XPO1: variants seen among roughly 807,000 people sequenced by gnomAD.
XPO1 encodes the protein exportin-1.
In XPO1, 5 loss-of-function variants were observed where a neutral mutation model predicts 133.3. That is an observed-to-expected ratio of 0.04 (90% CI 0.02 to 0.08). The LOEUF (loss-of-function observed/expected upper bound fraction) is 0.08. XPO1 is among the 10% of genes least tolerant of loss of function. The probability of loss-of-function intolerance (pLI) is 1.00; values close to 1 mark genes in which losing one functional copy is unlikely to be tolerated. For missense variants in XPO1, 506 were observed against 1,267.5 expected, an observed-to-expected ratio of 0.40 and a Z score of 9.12; for synonymous variants, 419 against 408.2, an observed-to-expected ratio of 1.03 and a Z score of -0.32.
At chr2:61,524,120 A>G (rs1036372360) in intron 3 of XPO1, among the ~76,000 whole-genome samples, 1 of 152,170 alleles carries the variant, frequency 6.6e-6, no homozygotes, top group African/African-American at 2.4e-5. Flanking sequence ...ATACTACCCT[A>G]AGCATTTTCT....
chr2:61,514,548 A>G (rs1046672648), intron 4 of XPO1, among the ~76,000 whole-genome samples: 2 of 151,242 alleles, frequency 1.3e-5, no homozygotes, highest in African/African-American at 4.9e-5. Flanking sequence ...AGCCGAGATC[A>G]GGCCACTGCA....
chr2:61,502,965 CTTTTTTT>C (rs201077547), intron 4 of XPO1, among the ~76,000 whole-genome samples: 14 of 138,324 alleles, frequency 1.0e-4, no homozygotes, highest in East Asian at 4.3e-4. Flanking sequence ...TGTTTCTTTT[CTTTTTTT>C]TTTTTTTTTT....
At chr2:61,515,694 G>A (rs1217791382) in intron 4 of XPO1, among the ~76,000 whole-genome samples, 1 of 152,002 alleles carries the variant, frequency 6.6e-6, no homozygotes, top group Admixed American at 6.6e-5. Flanking sequence ...TCAAAGGAGA[G>A]CACTAAATAA....
chr2:61,517,769 C>CT (rs1368267070), intron 4 of XPO1, among the ~76,000 whole-genome samples: 1 of 151,802 alleles, frequency 6.6e-6, no homozygotes, highest in Non-Finnish European at 1.5e-5. Context: ...GACTCTATCT[C>CT]TAAAAAAAAA....
chr2:61,482,666 C>T (rs991871065), intron 22 of XPO1, 127 bp from the exon 23 acceptor site: 24 of 963,444 alleles, frequency 2.5e-5, no homozygotes, highest in Admixed American at 1.3e-4. Flanking sequence ...AATGCCGTGG[C>T]GCAATCTTAG....
chr2:61,482,905 G>A, intron 22 of XPO1, 52 bp downstream of exon 22: 1 of 1,607,870 alleles, frequency 6.2e-7, no homozygotes, highest in Non-Finnish European at 8.5e-7. Flanking sequence ...TTATAGGCGT[G>A]AGGCCCTGTG....
chr2:61,481,711 C>G (rs1573098432), intron 23 of XPO1, among the ~76,000 whole-genome samples: 2 of 151,982 alleles, frequency 1.3e-5, no homozygotes, highest in Admixed American at 1.3e-4. Flanking sequence ...TCCCAAAGTG[C>G]TTGGATTACA....
intron 4 of XPO1, among the ~76,000 whole-genome samples, chr2:61,521,709 T>C (rs753315233): frequency 5.3e-5 from 8 of 152,196 alleles, no homozygotes; most frequent in Non-Finnish European, 1.0e-4. Flanking sequence ...TCTTTAGTAC[T>C]TGGCTTTTCC....
chr2:61,526,243 T>C, intron 3 of XPO1, 177 bp downstream of exon 3: 1 of 1,406,374 alleles, frequency 7.1e-7, no homozygotes, highest in Non-Finnish European at 9.2e-7. Flanking sequence ...ACTTCATTCA[T>C]AATTCTTAGG....
chr2:61,514,433 A>C (rs1236285358), intron 4 of XPO1, among the ~76,000 whole-genome samples: 1 of 151,898 alleles, frequency 6.6e-6, no homozygotes, highest in Non-Finnish European at 1.5e-5. Context: ...TCTACTAAAA[A>C]TACAAAATAA....
intron 4 of XPO1, among the ~76,000 whole-genome samples, chr2:61,521,767 T>C (rs1205330227): frequency 1.3e-5 from 2 of 152,074 alleles, no homozygotes. Flanking sequence ...TTGTTGTTCT[T>C]GTTTTTTGAG....
At position 61,490,769 on chromosome 2, in the gene XPO1, G is replaced by A. The variant is rs1363890687; in HGVS notation, c.1895C>T (p.Thr632Met). ...ICDLQPQQVHTFYEAVGYMIG... is the reference protein window; with the variant it reads ...ICDLQPQQVHMFYEAVGYMIG... Reference sequence around the variant, plus strand: ...CATGTACCCCACAGCTTCATAAAACGTATGAACCTATTTTAAAAAGCAGAC... The same window carrying A: ...CATGTACCCCACAGCTTCATAAAACATATGAACCTATTTTAAAAAGCAGAC... Residue 632 changes from threonine (T) to methionine (M), a missense_variant, in exon 17 of 25, where the codon ACG becomes ATG. Transcript: ENST00000401558. 6.2e-7 allele frequency: 1 copy of A among 1,612,090 alleles called. No individual in the cohort carries two copies. Among genetic ancestry groups the A allele is most frequent in the Non-Finnish European group, 8.5e-7 (1 of 1,179,374 alleles).
chr2:61,505,939 G>A (rs979780856), intron 4 of XPO1, among the ~76,000 whole-genome samples: 2 of 152,070 alleles, frequency 1.3e-5, no homozygotes, highest in Non-Finnish European at 1.5e-5. Flanking sequence ...CAAAAATTCC[G>A]ATAGTACTAA....
Position 61,495,504 on chromosome 2 carries a change from T to C in XPO1, c.998A>G (p.His333Arg). The change falls in exon 11 of 25, where the codon CAT becomes CGT. Residue 333 changes from histidine (H) to arginine (R), a missense_variant. Transcript: ENST00000401558. The stretch of plus-strand genomic sequence containing the variant: ...TAATCTTTTTTCTATAAGTTGATCA[T>C]GTTCCTTAAGAAAGGTGCAGAGAAA... ...SLFLCTFLKE[H>R]DQLIEKRLNL... 4.4e-6 allele frequency: 7 copies of C among 1,584,890 alleles called. No homozygotes were observed. The highest frequency in any genetic ancestry group is 6.0e-6 in the Non-Finnish European group (7 of 1,161,640).
At chr2:61,529,472 ATG>A (rs2104808559) in intron 2 of XPO1, among the ~76,000 whole-genome samples, 1 of 152,310 alleles carries the variant, frequency 6.6e-6, no homozygotes, top group East Asian at 1.9e-4. Context: ...CCTGGCCAAC[ATG>A]GTGAAACCCC....
intron 1 of XPO1, chr2:61,534,760 G>C (rs764280497): frequency 3.9e-5 from 6 of 152,186 alleles, no homozygotes; most frequent in Non-Finnish European, 7.3e-5. Flanking sequence ...CTACAGCAAT[G>C]GTTAGCAGGA....
At chr2:61,521,304 AATG>A (rs528138777) in intron 4 of XPO1, among the ~76,000 whole-genome samples, 33 of 152,332 alleles carry the variant, frequency 2.2e-4, no homozygotes, top group African/African-American at 7.2e-4. Flanking sequence ...ATTCTACCAT[AATG>A]ATGATAAGAG....
At chr2:61,511,452 T>C (rs1165244379) in intron 4 of XPO1, among the ~76,000 whole-genome samples, 2 of 152,172 alleles carry the variant, frequency 1.3e-5, no homozygotes, top group African/African-American at 2.4e-5. Flanking sequence ...TATCACTCTG[T>C]TGCCCAGGCT....
At chr2:61,531,659 T>C (rs556127936) in intron 2 of XPO1, among the ~76,000 whole-genome samples, 1 of 152,358 alleles carries the variant, frequency 6.6e-6, no homozygotes. Flanking sequence ...GCTACAGACC[T>C]GTGCTTCCAA....
Sources: gnomAD v4.1 joint callset for allele counts (sites outside exome capture counted in the v4.1 genomes callset) on GRCh38, gnomAD v4.1.1 for gene constraint, MANE v1.5 for transcripts, NCBI Gene and HGNC (gene_info 2026-07-23, HGNC 2026-07-21) for gene names.